ABCB4: variants seen among roughly 807,000 people sequenced by gnomAD.
The protein encoded by ABCB4 is phosphatidylcholine translocator ABCB4.
ABCB4 carries 76 observed loss-of-function variants against 145.7 expected under a neutral mutation model. That is an observed-to-expected ratio of 0.52 (90% CI 0.43 to 0.63). The LOEUF (loss-of-function observed/expected upper bound fraction) is 0.63. Among genes scored for constraint, ABCB4 ranks in the 30% least tolerant of loss-of-function variants. ABCB4 has a pLI of 0.00. For synonymous variants in ABCB4, 517 were observed against 566.8 expected (o/e 0.91, Z 1.25); for missense variants, 1,234 against 1,553.1 (o/e 0.79, Z 3.45).
In ABCB4 at chr7:87,462,898, G is replaced by T; in HGVS notation, c.146C>A (p.Ser49Tyr). 1 of 1,613,724 alleles carries T rather than the reference G, an allele frequency of 6.2e-7. No homozygotes were observed. Among genetic ancestry groups the T allele is most frequent in the Non-Finnish European group, 8.5e-7 (1 of 1,179,760 alleles). Residue 49 changes from serine to tyrosine, a missense_variant, in exon 4 of 28, where the codon TCC becomes TAC. This residue lies in a region of ABCB4 where 77 missense variants were observed against 73.3 expected (regional missense o/e 1.05). Transcript: ENST00000649586. ...MIGVLTLFRY[S>Y]DWQDKLFMSL... ...CATAAACAATTTATCCTGCCAATCG[G>T]AGTATCGAAACTAAAAAAAGGAAAT...
At chr7:87,475,887 G>GC (rs1294973574), upstream of ABCB4, 9 of 152,524 alleles carry the variant, frequency 5.9e-5, no homozygotes, top group Non-Finnish European at 1.2e-4. Flanking sequence ...CCGCCGGGGC[G>GC]CCCGGCTGGG....
the ABCB4 span, among the ~76,000 whole-genome samples, chr7:87,368,439 A>G: frequency 6.6e-6 from 1 of 152,168 alleles, no homozygotes; most frequent in Non-Finnish European, 1.5e-5. Context: ...AAGGGGAAGA[A>G]AGAAGAAATG....
intron 3 of ABCB4, 135 bp from the exon 4 acceptor site, chr7:87,463,043 C>T: frequency 1.4e-6 from 1 of 723,222 alleles, no homozygotes; most frequent in Non-Finnish European, 2.3e-6. Context: ...GAAAAGGAGG[C>T]CTTCAAATCA....
At chr7:87,392,523 T>A in the ABCB4 span, 1 of 1,511,388 alleles carries the variant, frequency 6.6e-7, no homozygotes, top group Non-Finnish European at 9.2e-7. Flanking sequence ...TAGTTGGGTT[T>A]TGCACAGTGT....
Position 87,409,316 on chromosome 7 carries a change from T to C in ABCB4, c.3001A>G (p.Lys1001Glu), listed in dbSNP as rs1476260159. 2 of 1,614,088 alleles carry C rather than the reference T, an allele frequency of 1.2e-6. No homozygotes were observed. The highest frequency in any genetic ancestry group is 3.3e-5 in the Admixed American group (2 of 60,030). ...ATGAATAAGTGGGCTGCAGACAGCT[T>C]AGCTTTAGCATAGTCTGGAGCAAAT... is the stretch of plus-strand genomic sequence containing the variant. ...SSFAPDYAKA[K>E]LSAAHLFMLF... Residue 1001 changes from lysine (K) to glutamate (E), a missense_variant, in exon 24 of 28, where the codon AAG (lysine) becomes GAG (glutamate). By Grantham distance (56) the Lys-to-Glu change is moderately conservative (BLOSUM62 1). Transcript: ENST00000649586.
In ABCB4 at chr7:87,455,073, A is replaced by C. The variant is rs1180274177; in HGVS notation, c.287-481T>G. Among the ~76,000 whole-genome samples, 7 of 151,866 alleles carry C rather than the reference A, an allele frequency of 4.6e-5. No homozygotes were observed. The East Asian group carries it at 1.4e-3, about 29-fold the overall frequency. ...TTTTATATCTGTGTGTTTTTTCTTT[A>C]CATGTCTCATATGACATAAGTAAGG... is the stretch of plus-strand genomic sequence containing the variant. On this transcript the variant is annotated intron_variant, in intron 4 of 27. Transcript: ENST00000649586.
At chr7:87,403,033 T>G in intron 27 of ABCB4, 102 bp downstream of exon 27, 12 of 1,261,734 alleles carry the variant, frequency 9.5e-6, no homozygotes, top group Non-Finnish European at 1.3e-5. Flanking sequence ...TAACGTTCTG[T>G]GTTTTTCCCC....
downstream of ABCB4, among the ~76,000 whole-genome samples, chr7:87,396,756 T>C (rs1223610059): frequency 6.6e-6 from 1 of 152,130 alleles, no homozygotes; most frequent in Non-Finnish European, 1.5e-5. Flanking sequence ...TTCCATTACA[T>C]GGCATAAGAC....
chr7:87,419,809 A>C (rs6465114), intron 19 of ABCB4, among the ~76,000 whole-genome samples, 189 bp downstream of exon 19: 68 of 151,996 alleles, frequency 4.5e-4, no homozygotes, highest in Admixed American at 1.9e-3. Context: ...AAAACAAAAA[A>C]AAAACAAAAA....
At chr7:87,382,639 C>A in the ABCB4 span, 1 of 1,270,638 alleles carries the variant, frequency 7.9e-7, no homozygotes, top group South Asian at 1.5e-5. Context: ...TATTTTTGCT[C>A]ACTTTTTTCC....
intron 3 of ABCB4, among the ~76,000 whole-genome samples, chr7:87,469,240 A>C (rs1813180234): frequency 6.6e-6 from 1 of 152,212 alleles, no homozygotes; most frequent in African/African-American, 2.4e-5. Flanking sequence ...AATAAGAGCT[A>C]TTTATGACAA....
chr7:87,471,735 A>G (rs1352612982), intron 3 of ABCB4, among the ~76,000 whole-genome samples: 1 of 152,218 alleles, frequency 6.6e-6, no homozygotes, highest in African/African-American at 2.4e-5. Flanking sequence ...CTGCCTCTGT[A>G]AGACATATTT....
At chr7:87,393,566 C>T in the ABCB4 span, among the ~76,000 whole-genome samples, 7 of 152,016 alleles carry the variant, frequency 4.6e-5, no homozygotes, top group African/African-American at 1.7e-4. Flanking sequence ...AAGATCAAAA[C>T]CTGGTATAAA....
Position 87,403,125 on chromosome 7 carries a change from C to G in ABCB4, c.3633+10G>C, listed in dbSNP as rs1220688736. The G allele has an allele frequency of 1.2e-6, 2 of 1,613,990 alleles. No homozygotes were observed. Among genetic ancestry groups the G allele is most frequent in the Non-Finnish European group, 1.7e-6 (2 of 1,179,892 alleles). The stretch of plus-strand genomic sequence containing the variant: ...ATTAAATAAGACATAAGTTGGGAGG[C>G]CACACACACCTTTTCACTTTCAGTA... On this transcript the variant is annotated intron_variant, in intron 27 of 27. Transcript: ENST00000649586.
In ABCB4 at chr7:87,401,874, G is replaced by T; in HGVS notation, c.*222C>A. The T allele has an allele frequency of 1.4e-6, 1 of 697,418 alleles. No homozygotes were observed. The highest frequency in any genetic ancestry group is 2.6e-6 in the Non-Finnish European group (1 of 390,558). 43.2% of individuals were successfully genotyped at this position (697,418 alleles called of 1,614,324 possible). The stretch of plus-strand genomic sequence containing the variant: ...TTTCTGGATGTTTCTAATAACTTAG[G>T]GAGAGCTAGCCTGTTGTTTCAATAC... On this transcript the variant is annotated 3_prime_UTR_variant, in exon 28 of 28. Coordinates refer to ENST00000649586, the MANE Select transcript of ABCB4 (RefSeq NM_000443.4).
chr7:87,471,532 G>T (rs1813398588), intron 3 of ABCB4, among the ~76,000 whole-genome samples: 1 of 152,006 alleles, frequency 6.6e-6, no homozygotes, highest in South Asian at 2.1e-4. Flanking sequence ...AATGAATAGG[G>T]GCTTTTGGTT....
chr7:87,416,126 C>T (rs548079920), intron 21 of ABCB4, among the ~76,000 whole-genome samples: 78 of 152,248 alleles, frequency 5.1e-4, no homozygotes, highest in Admixed American at 3.9e-4. Flanking sequence ...GAGGATGCAG[C>T]GTGAAAATGA....
At chr7:87,392,924 A>G in the ABCB4 span, 1 of 1,612,838 alleles carries the variant, frequency 6.2e-7, no homozygotes, top group East Asian at 2.2e-5. Context: ...GCCTAGTAAA[A>G]TGTTCTTTTA....
chr7:87,407,662 G>A (rs1425140686), intron 25 of ABCB4, among the ~76,000 whole-genome samples: 1 of 152,222 alleles, frequency 6.6e-6, no homozygotes, highest in Non-Finnish European at 1.5e-5. Flanking sequence ...AAAACTGAAA[G>A]CGGTGGGGAG....
Sources: gnomAD v4.1 joint callset for allele counts (sites outside exome capture counted in the v4.1 genomes callset) on GRCh38, gnomAD v4.1.1 for gene constraint, gnomAD v4.1.1 regional missense constraint, MANE v1.5 for transcripts, NCBI Gene and HGNC (gene_info 2026-07-23, HGNC 2026-07-21) for gene names.